The following PLCB4 variants were observed in gnomAD, a reference collection of about 807,000 sequenced individuals.
PLCB4 encodes the protein phospholipase C beta 4, also known as 1-phosphatidylinositol 4,5-bisphosphate phosphodiesterase beta-4.
In PLCB4, 77 loss-of-function variants were observed where a neutral mutation model predicts 178.8. That is an observed-to-expected ratio of 0.43 (90% CI 0.36 to 0.52). PLCB4 has a LOEUF of 0.52. Ranked by LOEUF, PLCB4 falls within the 20% of genes least tolerant of loss-of-function variation. The pLI, the probability that PLCB4 is intolerant of heterozygous loss-of-function variation, is 0.00. For synonymous variants in PLCB4, 496 were observed against 490.8 expected, an observed-to-expected ratio of 1.01 and a Z score of -0.14; for missense variants, 1,024 against 1,453.4, an observed-to-expected ratio of 0.70 and a Z score of 4.80.
At chr20:9,163,234 T>G (rs997086330) in intron 2 of PLCB4, among the ~76,000 whole-genome samples, 12 of 152,156 alleles carry the variant, frequency 7.9e-5, no homozygotes, top group Non-Finnish European at 1.8e-4. Context: ...ACATGTCGAC[T>G]CTGTTTTCTG....
intron 3 of PLCB4, among the ~76,000 whole-genome samples, chr20:9,280,773 A>C (rs1162905645): frequency 6.6e-6 from 1 of 151,928 alleles, no homozygotes; most frequent in East Asian, 1.9e-4. Flanking sequence ...GCTGAAGTAA[A>C]TCCAGCTATT....
At chr20:9,274,240 A>G (rs1026588601) in intron 3 of PLCB4, among the ~76,000 whole-genome samples, 5 of 152,226 alleles carry the variant, frequency 3.3e-5, no homozygotes, top group Admixed American at 1.3e-4. Flanking sequence ...CTGATTTTTT[A>G]TGGACTCCTG....
At chr20:9,169,571 G>C (rs973526390) in intron 2 of PLCB4, among the ~76,000 whole-genome samples, 1 of 150,188 alleles carries the variant, frequency 6.7e-6, no homozygotes, top group African/African-American at 2.5e-5. Flanking sequence ...CCTGGGTGAC[G>C]GAGCAAGACT....
chr20:9,224,358 G>A (rs2093837735), intron 3 of PLCB4, among the ~76,000 whole-genome samples: 1 of 152,106 alleles, frequency 6.6e-6, no homozygotes, highest in African/African-American at 2.4e-5. Context: ...AACAAAATGT[G>A]AAGTCTTCTG....
intron 2 of PLCB4, among the ~76,000 whole-genome samples, chr20:9,136,343 T>C (rs2092382619): frequency 6.6e-6 from 1 of 151,986 alleles, no homozygotes; most frequent in African/African-American, 2.4e-5. Context: ...GCCAGTACAG[T>C]GTGTGCCGAT....
rs371051223 is a variant in PLCB4 at position 9,444,270 on chromosome 20, G to C, written c.2880+27G>C. The C allele has an allele frequency of 2.9e-6, 4 of 1,390,058 alleles. No homozygotes were observed. In the African/African-American group the frequency reaches 5.8e-5, roughly 20 times the overall value. The allele number at this position is 1,390,058 out of a possible 1,614,324, so 86.1% of individuals were successfully genotyped here. ...TACAGTGCTCTACAGCTACTATTTT[G>C]TGTTATGTATGGATGAATCATTTGT... On this transcript the variant is annotated intron_variant, in intron 32 of 39. Transcript: ENST00000378473.
intron 2 of PLCB4, among the ~76,000 whole-genome samples, chr20:9,147,577 C>T (rs2092620902): frequency 6.6e-6 from 1 of 152,058 alleles, no homozygotes; most frequent in African/African-American, 2.4e-5. Context: ...GCTCAGCTAG[C>T]TGTTAGCTGA....
chr20:9,120,002 T>G (rs2091904535), intron 2 of PLCB4, among the ~76,000 whole-genome samples: 1 of 152,170 alleles, frequency 6.6e-6, no homozygotes, highest in South Asian at 2.1e-4. Context: ...GTCGGACACA[T>G]GACCTGGCAG....
chr20:9,231,639 G>A (rs1182960716), intron 3 of PLCB4, among the ~76,000 whole-genome samples: 1 of 152,152 alleles, frequency 6.6e-6, no homozygotes, highest in Non-Finnish European at 1.5e-5. Flanking sequence ...AGGGCAGAGA[G>A]AGGAAACTTG....
chr20:9,115,579 T>A (rs1459794426), intron 2 of PLCB4, among the ~76,000 whole-genome samples: 1 of 74,652 alleles, frequency 1.3e-5, no homozygotes, highest in Admixed American at 1.9e-4. Context: ...CCCTCCCCCC[T>A]CCCCCCACCC....
chr20:9,289,037 T>C (rs1386626154), intron 3 of PLCB4, among the ~76,000 whole-genome samples: 1 of 152,092 alleles, frequency 6.6e-6, no homozygotes, highest in Non-Finnish European at 1.5e-5. Context: ...TGACAGTAGA[T>C]ATTTTATCCC....
intron 3 of PLCB4, among the ~76,000 whole-genome samples, chr20:9,235,213 A>G (rs550394468): frequency 6.6e-6 from 1 of 152,262 alleles, no homozygotes; most frequent in South Asian, 2.1e-4. Context: ...AGAAGAGGAC[A>G]ATCATTGGGC....
intron 3 of PLCB4, among the ~76,000 whole-genome samples, chr20:9,233,802 T>A (rs1439437912): frequency 6.6e-6 from 1 of 152,150 alleles, no homozygotes; most frequent in Non-Finnish European, 1.5e-5. Flanking sequence ...CTTTAGACCT[T>A]CGTAGGAAGG....
chr20:9,402,344 C>T lies in PLCB4; in HGVS notation c.1611+754C>T, dbSNP rs529500514. On this transcript the variant is annotated intron_variant, in intron 20 of 39. Transcript: ENST00000378473. ...AGAGGTTGATGAATCACTTTCCATG[C>T]GGAGGGACCACAGTAACAACAGCAA... Among the ~76,000 whole-genome samples the T allele has an allele frequency of 7.2e-5, 11 of 152,218 alleles. No individual in the cohort carries two copies. In the South Asian group the frequency reaches 1.7e-3, roughly 23 times the overall value.
intron 2 of PLCB4, among the ~76,000 whole-genome samples, chr20:9,125,350 G>T (rs746615943): frequency 1.3e-5 from 2 of 152,056 alleles, no homozygotes; most frequent in Non-Finnish European, 2.9e-5. Flanking sequence ...CTGATTTTAT[G>T]CTTGGTATGG....
chr20:9,435,544 T>G lies in PLCB4; in HGVS notation c.2525-16T>G, dbSNP rs552201247. On this transcript the variant is annotated splice_polypyrimidine_tract_variant and intron_variant, in intron 28 of 39. Transcript: ENST00000378473. ...AACAGAGAATTAACGGCTCATTGGG[T>G]TTTTTTTTCCCCTAGATATCGTGGA... 6.3e-4 allele frequency: 910 copies of G among 1,445,912 alleles called. 11 individuals carry two copies. The South Asian group carries it at 0.01, about 16-fold the overall frequency. The allele number at this position is 1,445,912 out of a possible 1,614,324, so 89.6% of individuals were successfully genotyped here.
chr20:9,313,988 C>G (rs970848453), intron 4 of PLCB4, among the ~76,000 whole-genome samples: 1 of 152,180 alleles, frequency 6.6e-6, no homozygotes, highest in African/African-American at 2.4e-5. Flanking sequence ...AGGCCCGTTT[C>G]AGGCTGAGTC....
chr20:9,363,707 A>G (rs2035536444), intron 8 of PLCB4, among the ~76,000 whole-genome samples: 2 of 152,192 alleles, frequency 1.3e-5, no homozygotes, highest in South Asian at 2.1e-4. Context: ...AAAAGCAGTG[A>G]TCCGTGAAGG....
chr20:9,351,671 C>T (rs1214510028), intron 7 of PLCB4, among the ~76,000 whole-genome samples: 1 of 152,034 alleles, frequency 6.6e-6, no homozygotes, highest in African/African-American at 2.4e-5. Flanking sequence ...TTTAGTAGCT[C>T]TTATATTGAA....
Sources: gnomAD v4.1 joint callset for allele counts (sites outside exome capture counted in the v4.1 genomes callset) on GRCh38, gnomAD v4.1.1 for gene constraint, MANE v1.5 for transcripts, NCBI Gene and HGNC (gene_info 2026-07-23, HGNC 2026-07-21) for gene names.